Variants in PANK1 observed in about 807,000 individuals in gnomAD.
PANK1 encodes the protein pantothenic acid kinase 1.
PANK1 carries 18 observed loss-of-function variants against 40.1 expected under a neutral mutation model. That is an observed-to-expected ratio of 0.45 (90% CI 0.31 to 0.67). The LOEUF (loss-of-function observed/expected upper bound fraction) is 0.67, where lower values mean the gene tolerates loss of function less well. PANK1 is among the 30% of genes least tolerant of loss of function. PANK1 has a pLI of 0.06. For synonymous variants in PANK1, 242 were observed against 237.7 expected, an observed-to-expected ratio of 1.02 and a Z score of -0.17; for missense variants, 457 against 599.6, an observed-to-expected ratio of 0.76 and a Z score of 2.48.
At chr10:89,608,702 C>G (rs1314563831) in intron 2 of PANK1, among the ~76,000 whole-genome samples, 1 of 152,040 alleles carries the variant, frequency 6.6e-6, no homozygotes, top group African/African-American at 2.4e-5. Context: ...TGTGTTATAC[C>G]AAAAACAGTG....
In PANK1 at chr10:89,599,357, T is replaced by C. The variant is rs1205571005; in HGVS notation, c.794A>G (p.Tyr265Cys). The C allele has an allele frequency of 1.2e-6, 2 of 1,613,888 alleles. No homozygotes were observed. The highest frequency in any genetic ancestry group is 3.3e-5 in the Admixed American group (2 of 59,982). ...CATAGGGTATGGGTTATCAAGGCAG[T>C]ACGGCTTTTTTTGACACAATTCAGG... ...TNPELCQKKP[Y>C]CLDNPYPMLL... Residue 265 changes from tyrosine (Y) to cysteine (C), a missense_variant, in exon 3 of 7, where the codon TAC (tyrosine) becomes TGC (cysteine). Coordinates refer to ENST00000307534, the MANE Select transcript of PANK1 (RefSeq NM_148977.3).
chr10:89,611,942 C>T lies in PANK1; in HGVS notation c.399G>A (p.Leu133=), dbSNP rs138560930. The change falls in exon 2 of 7, where the codon CTG becomes CTA. Residue 133 remains leucine, a synonymous_variant. Coordinates refer to ENST00000307534, the MANE Select transcript of PANK1 (RefSeq NM_148977.3). ...AEEEQEEVEN[L]KSIRKYLTSN... is the part of the protein sequence containing the mutation. ...AAGTCAAATACTTCCGGATGCTCTTCAGGTTCTCCACTTCCTCTTGCTCCT... is the reference window on the plus strand; with the variant it reads ...AAGTCAAATACTTCCGGATGCTCTTTAGGTTCTCCACTTCCTCTTGCTCCT... 126 of 1,614,208 alleles carry T rather than the reference C, an allele frequency of 7.8e-5. No individual in the cohort carries two copies. In the African/African-American group the frequency reaches 1.4e-3, roughly 18 times the overall value.
At chr10:89,637,413 A>C (rs1053260658) in intron 1 of PANK1, among the ~76,000 whole-genome samples, 1 of 152,244 alleles carries the variant, frequency 6.6e-6, no homozygotes, top group Non-Finnish European at 1.5e-5. Context: ...AGCCTACTAC[A>C]GACCTAGGCT....
In PANK1 at chr10:89,626,994, G is replaced by A. The variant is rs993236055; in HGVS notation, c.293-14946C>T. On this transcript the variant is annotated intron_variant, in intron 1 of 6. Transcript: ENST00000307534. ...CATTGCTGGGTGACATAACCAGGCG[G>A]AACAACAGGTCTACCAGAAATGGGC... 5.9e-5 allele frequency among the ~76,000 whole-genome samples: 9 copies of A among 152,298 alleles called. No homozygotes were observed. The East Asian group carries it at 1.5e-3, about 26-fold the overall frequency.
chr10:89,637,855 T>C (rs370097138), intron 1 of PANK1, among the ~76,000 whole-genome samples: 20 of 152,292 alleles, frequency 1.3e-4, no homozygotes, highest in African/African-American at 4.6e-4. Context: ...AACACAAACA[T>C]ATTGTATAGG....
chr10:89,644,526 T>A, intron 1 of PANK1, 74 bp downstream of exon 1: 1 of 1,376,652 alleles, frequency 7.3e-7, no homozygotes, highest in South Asian at 1.3e-5. Context: ...GGCGCCTGCC[T>A]CAGCCGCTCC....
intron 1 of PANK1, among the ~76,000 whole-genome samples, chr10:89,631,921 A>G (rs1841657134): frequency 6.6e-6 from 1 of 151,830 alleles, no homozygotes; most frequent in African/African-American, 2.4e-5. Flanking sequence ...TCAACTGGAT[A>G]TAATACACTG....
chr10:89,644,658 G>T lies in PANK1; in HGVS notation c.234C>A (p.Ser78=). The T allele has an allele frequency of 6.3e-7, 1 of 1,577,910 alleles. No homozygotes were observed. ...TCCGCAGCCGGCATTTCTTGGCCGG[G>T]GAGTCATGCTGAGGGAGCAGTGGCT... ...QPQPLLPQHD[S]PAKKCRLRRR... is the part of the protein sequence containing the mutation. The change falls in exon 1 of 7, where the codon TCC becomes TCA. Residue 78 remains serine, a synonymous_variant. Transcript: ENST00000307534.
At chr10:89,639,163 A>G in intron 1 of PANK1, 1 of 449,674 alleles carries the variant, frequency 2.2e-6, no homozygotes, top group Non-Finnish European at 4.5e-6. Flanking sequence ...CTGGAGGCTG[A>G]GAAGTCCAAG....
intron 1 of PANK1, chr10:89,613,887 C>T (rs1589792508): frequency 4.6e-6 from 2 of 436,744 alleles, no homozygotes; most frequent in African/African-American, 4.1e-5. Context: ...ACATCTGCTT[C>T]CCTGAAGCAG....
At position 89,643,937 on chromosome 10, in the gene PANK1, C is replaced by A. The variant is rs953989983; in HGVS notation, c.292+663G>T. 4 of 1,236,682 alleles carry A rather than the reference C, an allele frequency of 3.2e-6. No individual in the cohort carries two copies. The East Asian group carries it at 1.1e-4, about 34-fold the overall frequency. The allele number at this position is 1,236,682 out of a possible 1,614,324, so 76.6% of individuals were successfully genotyped here. A position where few individuals can be genotyped will look rare whatever the true frequency, so the allele number is the denominator to read the frequency against. ...ATTACAAACCCTCAACTCAACCTCCCCCTTCGTTGAAAAAAAAAATCCACC... is the reference window on the plus strand; with the variant it reads ...ATTACAAACCCTCAACTCAACCTCCACCTTCGTTGAAAAAAAAAATCCACC... On this transcript the variant is annotated intron_variant, in intron 1 of 6. Coordinates refer to ENST00000307534, the MANE Select transcript of PANK1 (RefSeq NM_148977.3).
chr10:89,620,744 A>C (rs1319536472), intron 1 of PANK1, among the ~76,000 whole-genome samples: 1 of 152,114 alleles, frequency 6.6e-6, no homozygotes, highest in Non-Finnish European at 1.5e-5. Context: ...TGAAACCCCT[A>C]ATAAAAACTT....
chr10:89,587,525 G>C (rs1844231568), intron 6 of PANK1, among the ~76,000 whole-genome samples: 1 of 152,166 alleles, frequency 6.6e-6, no homozygotes. Context: ...TAAACATTCT[G>C]CAACCAATTT....
intron 2 of PANK1, among the ~76,000 whole-genome samples, chr10:89,607,835 T>A (rs59939930): frequency 0.55 from 82,649 of 151,580 alleles, 23,395 homozygotes; most frequent in South Asian, 0.63. Context: ...CTACAGAGCC[T>A]TGGTGCACAG....
At chr10:89,623,902 G>A (rs924710067) in intron 1 of PANK1, among the ~76,000 whole-genome samples, 8 of 152,170 alleles carry the variant, frequency 5.3e-5, no homozygotes, top group Non-Finnish European at 7.4e-5. Context: ...CCTGCACCAC[G>A]GCCAGGGCAA....
intron 3 of PANK1, among the ~76,000 whole-genome samples, chr10:89,597,108 T>C (rs1278739226): frequency 6.6e-6 from 1 of 152,152 alleles, no homozygotes; most frequent in Non-Finnish European, 1.5e-5. Flanking sequence ...TCAGGTATAA[T>C]ACAATAAGAA....
At chr10:89,619,639 A>C (rs1845421119) in intron 1 of PANK1, among the ~76,000 whole-genome samples, 1 of 152,176 alleles carries the variant, frequency 6.6e-6, no homozygotes, top group East Asian at 1.9e-4. Flanking sequence ...GCTCAAGATG[A>C]GCTTCTGTGG....
rs1233395925 is a variant in PANK1, at chr10:89,584,335, T to A, written c.*71A>T. ...GGCTTGGCTTCCGTCCCAAAGCGAC[T>A]TTCACCTTCTCCAGCAGCAATTTTT... On this transcript the variant is annotated 3_prime_UTR_variant, in exon 7 of 7. Coordinates refer to ENST00000307534, the MANE Select transcript of PANK1 (RefSeq NM_148977.3). 3 of 1,000,152 alleles carry A rather than the reference T, an allele frequency of 3.0e-6. No individual in the cohort carries two copies. The highest frequency in any genetic ancestry group is 4.8e-6 in the Non-Finnish European group (3 of 625,672). 62.0% of individuals were successfully genotyped at this position (1,000,152 alleles called of 1,614,324 possible). A position where few individuals can be genotyped will look rare whatever the true frequency, so the allele number is the denominator to read the frequency against.
chr10:89,607,734 T>C (rs1265198817), intron 2 of PANK1, among the ~76,000 whole-genome samples: 1 of 152,220 alleles, frequency 6.6e-6, no homozygotes, highest in Non-Finnish European at 1.5e-5. Context: ...ATAAAAATAC[T>C]AGAATCTGTA....
Sources: allele counts gnomAD v4.1 joint callset (sites outside exome capture counted in the v4.1 genomes callset), GRCh38; gene constraint gnomAD v4.1.1; transcripts MANE v1.5; gene names NCBI Gene and HGNC (gene_info 2026-07-23, HGNC 2026-07-21).